The following COX7B2 variants were observed in gnomAD, a reference collection of about 807,000 sequenced individuals.
COX7B2 encodes the protein cytochrome c oxidase subunit 7B2.
For missense variants in COX7B2, 109 were observed against 95.9 expected (o/e 1.14, Z -0.57); for synonymous variants, 37 against 32.1 (o/e 1.15, Z -0.51).
chr4:46,750,194 C>CCACACACA (rs1715267048), intron 2 of COX7B2, among the ~76,000 whole-genome samples: 1 of 51,544 alleles, frequency 1.9e-5, no homozygotes, highest in African/African-American at 6.8e-5. Context: ...GATCCCATCT[C>CCACACACA]TACACACACA....
intron 1 of COX7B2, among the ~76,000 whole-genome samples, chr4:46,894,490 C>A (rs1262490020): frequency 6.6e-6 from 1 of 152,070 alleles, no homozygotes; most frequent in African/African-American, 2.4e-5. Context: ...AAAATCAACT[C>A]AAGATGAATT....
intron 2 of COX7B2, among the ~76,000 whole-genome samples, chr4:46,775,482 C>T (rs1275282403): frequency 6.6e-6 from 1 of 152,084 alleles, no homozygotes; most frequent in African/African-American, 2.4e-5. Context: ...GCACTACTTC[C>T]ATTAGCAAAA....
At chr4:46,839,760 C>A (rs766597762) in intron 2 of COX7B2, among the ~76,000 whole-genome samples, 3 of 151,922 alleles carry the variant, frequency 2.0e-5, no homozygotes, top group Non-Finnish European at 2.9e-5. Context: ...TTTTATGTTT[C>A]TGTGCCTTCA....
chr4:46,758,075 A>G (rs1715906071), intron 2 of COX7B2, among the ~76,000 whole-genome samples: 1 of 152,216 alleles, frequency 6.6e-6, no homozygotes, highest in Non-Finnish European at 1.5e-5. Context: ...ATTTCATTCT[A>G]TAAGTATTCT....
intron 2 of COX7B2, among the ~76,000 whole-genome samples, chr4:46,792,613 C>T (rs563059330): frequency 6.6e-6 from 1 of 152,268 alleles, no homozygotes; most frequent in South Asian, 2.1e-4. Context: ...GACTTTACAC[C>T]ACAAGCTTTC....
intron 2 of COX7B2, among the ~76,000 whole-genome samples, chr4:46,827,918 G>C (rs1244204676): frequency 6.6e-6 from 1 of 152,134 alleles, no homozygotes; most frequent in Admixed American, 6.5e-5. Flanking sequence ...ATCACTGGTT[G>C]CCTGGGACTG....
At chr4:46,899,240 A>G (rs1040574821) in intron 1 of COX7B2, among the ~76,000 whole-genome samples, 2 of 152,302 alleles carry the variant, frequency 1.3e-5, no homozygotes, top group South Asian at 2.1e-4. Context: ...TAATAATTCC[A>G]TCTGTAGCAA....
chr4:46,869,018 G>C (rs1377002324), intron 1 of COX7B2, among the ~76,000 whole-genome samples: 1 of 152,090 alleles, frequency 6.6e-6, no homozygotes, highest in African/African-American at 2.4e-5. Context: ...TCTCTTTGTA[G>C]GTCTCTAACA....
chr4:46,798,589 GC>G (rs1469626467), intron 2 of COX7B2, among the ~76,000 whole-genome samples: 1 of 152,166 alleles, frequency 6.6e-6, no homozygotes, highest in Non-Finnish European at 1.5e-5. Flanking sequence ...GCCATGATCT[GC>G]AGAAAGCTAC....
intron 2 of COX7B2, among the ~76,000 whole-genome samples, chr4:46,751,795 C>T (rs769393269): frequency 8.1e-5 from 12 of 147,434 alleles, no homozygotes; most frequent in South Asian, 2.3e-4. Flanking sequence ...GGAGCCAATA[C>T]CATGCTGTTG....
intron 2 of COX7B2, among the ~76,000 whole-genome samples, chr4:46,742,289 C>T (rs1161928212): frequency 6.6e-6 from 1 of 152,078 alleles, no homozygotes; most frequent in Non-Finnish European, 1.5e-5. Context: ...TTCCACTCTT[C>T]TTTTTACAGC....
At chr4:46,889,062 G>A (rs188277658) in intron 1 of COX7B2, among the ~76,000 whole-genome samples, 91 of 152,210 alleles carry the variant, frequency 6.0e-4, no homozygotes, top group Non-Finnish European at 1.1e-3. Flanking sequence ...TGCATTGCAT[G>A]CCTGTATCAA....
chr4:46,828,597 A>G (rs1201003836), intron 2 of COX7B2, among the ~76,000 whole-genome samples: 1 of 152,202 alleles, frequency 6.6e-6, no homozygotes. Context: ...ATAAAATGTG[A>G]TAATATTCAC....
chr4:46,758,263 A>G (rs1333281317), intron 2 of COX7B2, among the ~76,000 whole-genome samples: 1 of 134,072 alleles, frequency 7.5e-6, no homozygotes, highest in African/African-American at 2.6e-5. Context: ...CTACTTTCTA[A>G]TGAGGTATAG....
chr4:46,843,422 G>A (rs1007014298), intron 2 of COX7B2, among the ~76,000 whole-genome samples: 2 of 152,012 alleles, frequency 1.3e-5, no homozygotes, highest in Non-Finnish European at 2.9e-5. Context: ...GAGACTCCGA[G>A]AGAGTCATCA....
In COX7B2 at chr4:46,867,141, C is replaced by T. The variant is rs74361936; in HGVS notation, c.-104-22127G>A. On this transcript the variant is annotated intron_variant, in intron 1 of 2. Transcript: ENST00000355591. ...CAAGGCTTCCAATTCATCCTGCTTT[C>T]TGACCCAGGAAACAGATATACTGCC... Among the ~76,000 whole-genome samples the T allele has an allele frequency of 5.4e-3, 828 of 152,296 alleles. 7 individuals carry two copies. Among genetic ancestry groups the T allele is most frequent in the African/African-American group, 0.019 (769 of 41,556 alleles).
At chr4:46,839,056 A>AC (rs1291600397) in intron 2 of COX7B2, among the ~76,000 whole-genome samples, 5 of 151,578 alleles carry the variant, frequency 3.3e-5, no homozygotes, top group Admixed American at 6.6e-5. Flanking sequence ...TCTCATTTTA[A>AC]CTCCTTTGAG....
Position 46,742,313 on chromosome 4 carries a change from T to C in COX7B2, c.-49-7072A>G, listed in dbSNP as rs539301702. ...TCTTTTTACAGCTTCATGATATCAA[T>C]GCAAAATAAGAAACAATAAAAAAAA... On this transcript the variant is annotated intron_variant, in intron 2 of 2. Coordinates refer to ENST00000355591, the MANE Select transcript of COX7B2 (RefSeq NM_130902.3). 9.2e-5 allele frequency among the ~76,000 whole-genome samples: 14 copies of C among 152,118 alleles called. No individual in the cohort carries two copies. The East Asian group carries it at 2.7e-3, about 29-fold the overall frequency.
chr4:46,782,605 G>T (rs545744583), intron 2 of COX7B2, among the ~76,000 whole-genome samples: 1 of 152,176 alleles, frequency 6.6e-6, no homozygotes, highest in Non-Finnish European at 1.5e-5. Flanking sequence ...TGGAAGCTTT[G>T]TTCTTTTGCT....
Sources: allele counts gnomAD v4.1 joint callset (sites outside exome capture counted in the v4.1 genomes callset), GRCh38; gene constraint gnomAD v4.1.1; transcripts MANE v1.5; gene names NCBI Gene and HGNC (gene_info 2026-07-23, HGNC 2026-07-21).